The following RP1 variants were observed in gnomAD, a reference collection of about 807,000 sequenced individuals.
The protein encoded by RP1 is oxygen-regulated protein 1.
Under a neutral mutation model 14.8 loss-of-function variants are expected in RP1, and 16 were observed. That is an observed-to-expected ratio of 1.08 (90% confidence interval 0.73 to 1.65). RP1 has a LOEUF of 1.65. Ranked by LOEUF, RP1 falls within the 40% of genes most tolerant of loss-of-function variation. The pLI, the probability that RP1 is intolerant of heterozygous loss-of-function variation, is 0.00. For synonymous variants in RP1, 876 were observed against 883.6 expected, an observed-to-expected ratio of 0.99 and a Z score of 0.15; for missense variants, 2,631 against 2,535.0, an observed-to-expected ratio of 1.04 and a Z score of -0.81.
chr8:54,617,359 G>A (rs746798154), intron 1 of RP1, among the ~76,000 whole-genome samples: 6 of 152,126 alleles, frequency 3.9e-5, no homozygotes, highest in Non-Finnish European at 7.4e-5. Context: ...CCTTATTATC[G>A]AAAATGTATG....
intron 23 of RP1, chr8:54,780,849 C>T (rs182256136): frequency 1.4e-5 from 12 of 868,490 alleles, no homozygotes; most frequent in South Asian, 1.1e-4. Flanking sequence ...GGCTGAAGTT[C>T]GGAATTCTCT....
intron 22 of RP1, among the ~76,000 whole-genome samples, chr8:54,762,880 C>T (rs181562397): frequency 5.3e-5 from 8 of 152,266 alleles, no homozygotes; most frequent in Admixed American, 2.6e-4. Context: ...GCCTCTGCTC[C>T]GTTGTCACAT....
intron 24 of RP1, among the ~76,000 whole-genome samples, chr8:54,835,887 G>C (rs1289935727): frequency 6.6e-6 from 1 of 152,106 alleles, no homozygotes; most frequent in Non-Finnish European, 1.5e-5. Context: ...CTTTAAGGGG[G>C]ATTTTAGGAG....
At chr8:54,860,687 A>C (rs534989637) in intron 27 of RP1, among the ~76,000 whole-genome samples, 1 of 152,358 alleles carries the variant, frequency 6.6e-6, no homozygotes, top group South Asian at 2.1e-4. Context: ...GGACTGCAGG[A>C]TGCCAGTCCC....
downstream of RP1, among the ~76,000 whole-genome samples, chr8:54,773,366 G>T (rs374408863): frequency 1.1e-4 from 16 of 152,144 alleles, 1 homozygote; most frequent in East Asian, 2.9e-3. Flanking sequence ...TCCAGGTGCG[G>T]TGGCTCATGC....
chr8:54,772,221 C>T (rs921412688), downstream of RP1, among the ~76,000 whole-genome samples: 2 of 152,072 alleles, frequency 1.3e-5, no homozygotes, highest in African/African-American at 4.8e-5. Context: ...TTAGACTGAA[C>T]TTGGTTGTGA....
chr8:54,654,707 G>A (rs772056779), intron 5 of RP1, among the ~76,000 whole-genome samples: 7 of 152,166 alleles, frequency 4.6e-5, no homozygotes, highest in Non-Finnish European at 7.4e-5. Flanking sequence ...GAGACCAGTA[G>A]CACGATCATG....
At chr8:54,736,909 T>A (rs1808943778) in intron 18 of RP1, among the ~76,000 whole-genome samples, 1 of 152,008 alleles carries the variant, frequency 6.6e-6, no homozygotes, top group South Asian at 2.1e-4. Flanking sequence ...AAGACTGGGG[T>A]CTTATGATAG....
intron 24 of RP1, among the ~76,000 whole-genome samples, chr8:54,785,256 A>G (rs1712434475): frequency 6.6e-6 from 1 of 152,160 alleles, no homozygotes; most frequent in Admixed American, 6.6e-5. Flanking sequence ...TGTAAATGGA[A>G]TCATGCAACA....
At position 54,630,605 on chromosome 8, in the gene RP1, T is replaced by G; in HGVS notation, c.*252T>G. The G allele has an allele frequency of 8.1e-7, 1 of 1,236,060 alleles. No individual in the cohort carries two copies. Among genetic ancestry groups the G allele is most frequent in the Non-Finnish European group, 1.0e-6 (1 of 985,560 alleles). 76.6% of individuals were successfully genotyped at this position (1,236,060 alleles called of 1,614,324 possible). On this transcript the variant is annotated 3_prime_UTR_variant, in exon 4 of 4. Coordinates refer to ENST00000220676, the MANE Select transcript of RP1 (RefSeq NM_006269.2). ...TGGTTTTGTTCTGAACTTACATTTTTTTTTTTTTTGGTATCTATGATTTTT... is the reference window on the plus strand; with the variant it reads ...TGGTTTTGTTCTGAACTTACATTTTGTTTTTTTTTGGTATCTATGATTTTT...
intron 23 of RP1, among the ~76,000 whole-genome samples, chr8:54,781,632 T>C (rs1333000818): frequency 6.6e-6 from 1 of 152,194 alleles, no homozygotes; most frequent in Non-Finnish European, 1.5e-5. Flanking sequence ...AGAATGTTCC[T>C]CTATGTTATT....
chr8:54,656,974 G>C (rs1277356646), intron 6 of RP1, among the ~76,000 whole-genome samples: 1 of 152,096 alleles, frequency 6.6e-6, no homozygotes, highest in Non-Finnish European at 1.5e-5. Flanking sequence ...ACCAACCTGT[G>C]TAGTTTTTTG....
intron 26 of RP1, among the ~76,000 whole-genome samples, chr8:54,855,775 T>C (rs1356256972): frequency 6.6e-6 from 1 of 152,136 alleles, no homozygotes; most frequent in African/African-American, 2.4e-5. Flanking sequence ...AAAGAGTCAA[T>C]GAAAATCACA....
chr8:54,831,281 G>A (rs1010814244), intron 24 of RP1, among the ~76,000 whole-genome samples: 2 of 151,458 alleles, frequency 1.3e-5, no homozygotes, highest in Non-Finnish European at 3.0e-5. Flanking sequence ...ACTACCAAAT[G>A]TTTTCACATA....
intron 27 of RP1, among the ~76,000 whole-genome samples, chr8:54,865,164 A>C (rs944392437): frequency 1.3e-5 from 2 of 151,892 alleles, no homozygotes. Context: ...TGGTTAATAG[A>C]AATACACTGG....
chr8:54,715,907 C>T (rs575817938), intron 15 of RP1, among the ~76,000 whole-genome samples: 8 of 152,272 alleles, frequency 5.3e-5, no homozygotes, highest in African/African-American at 1.7e-4. Context: ...CAGACAAATA[C>T]GCCATAGTGT....
intron 1 of RP1, among the ~76,000 whole-genome samples, chr8:54,579,401 A>T (rs1804729232): frequency 6.6e-6 from 1 of 152,252 alleles, no homozygotes; most frequent in African/African-American, 2.4e-5. Flanking sequence ...AGCTGGAAGT[A>T]TTAATGACTC....
In RP1 at chr8:54,673,796, G is replaced by A. The variant is rs1467503105; in HGVS notation, c.1324-54G>A. The A allele has an allele frequency of 4.6e-6, 6 of 1,308,488 alleles. No homozygotes were observed. The East Asian group carries it at 1.5e-4, about 33-fold the overall frequency. The allele number at this position is 1,308,488 out of a possible 1,614,324, so 81.1% of individuals were successfully genotyped here. The stretch of plus-strand genomic sequence containing the variant: ...ACACTGCATCTTAATTTATACTATT[G>A]GTATAAATCAGAGTTATAGTCTAGA... On this transcript the variant is annotated intron_variant, in intron 7 of 22. Transcript: ENST00000636932.
At chr8:54,731,245 T>A (rs888480926) in intron 17 of RP1, among the ~76,000 whole-genome samples, 3 of 152,200 alleles carry the variant, frequency 2.0e-5, no homozygotes, top group Non-Finnish European at 4.4e-5. Flanking sequence ...TTTTGTTTTT[T>A]TGGTCTGAGT....
Sources: gnomAD v4.1 joint callset for allele counts (sites outside exome capture counted in the v4.1 genomes callset) on GRCh38, gnomAD v4.1.1 for gene constraint, MANE v1.5 for transcripts, NCBI Gene and HGNC (gene_info 2026-07-23, HGNC 2026-07-21) for gene names.